RANBP10: variants seen among roughly 807,000 people sequenced by gnomAD.
The protein encoded by RANBP10 is RAN binding protein 10.
Under a neutral mutation model 72.8 loss-of-function variants are expected in RANBP10, and 24 were observed. That is an observed-to-expected ratio of 0.33 (90% confidence interval 0.24 to 0.46). The LOEUF (loss-of-function observed/expected upper bound fraction) is 0.46, where lower values mean the gene tolerates loss of function less well. Ranked by LOEUF, RANBP10 falls within the 20% of genes least tolerant of loss-of-function variation. RANBP10 has a pLI of 1.00. For synonymous variants in RANBP10, 310 were observed against 322.3 expected (o/e 0.96, Z 0.41); for missense variants, 679 against 817.5 (o/e 0.83, Z 2.07).
Position 67,781,366 on chromosome 16 carries a change from C to T in RANBP10, c.348-9280G>A, listed in dbSNP as rs183813990. 4.6e-5 allele frequency among the ~76,000 whole-genome samples: 7 copies of T among 152,298 alleles called. No homozygotes were observed. The East Asian group carries it at 1.4e-3, about 29-fold the overall frequency. ...GCTATGCTAGAAACACTCACAGATA[C>T]AACCTGCCTGGGTCAGCCTGGGAGG... On this transcript the variant is annotated intron_variant, in intron 2 of 13. Coordinates refer to ENST00000317506, the MANE Select transcript of RANBP10 (RefSeq NM_020850.3).
At chr16:67,798,299 T>C (rs959700648) in intron 2 of RANBP10, among the ~76,000 whole-genome samples, 2 of 152,090 alleles carry the variant, frequency 1.3e-5, no homozygotes, top group Non-Finnish European at 1.5e-5. Flanking sequence ...AGATGACATA[T>C]GAGCACCAAA....
intron 3 of RANBP10, among the ~76,000 whole-genome samples, chr16:67,765,969 G>C (rs1418586256): frequency 6.6e-6 from 1 of 152,178 alleles, no homozygotes. Flanking sequence ...CTGTGACTGT[G>C]CCACTGCACT....
chr16:67,738,772 T>TA (rs1053194503), intron 4 of RANBP10: 1 of 152,042 alleles, frequency 6.6e-6, no homozygotes, highest in African/African-American at 2.4e-5. Context: ...TAGTTTTAAT[T>TA]AGACCATGGC....
chr16:67,803,754 C>T (rs2055278789), intron 2 of RANBP10, among the ~76,000 whole-genome samples: 1 of 145,966 alleles, frequency 6.9e-6, no homozygotes, highest in Admixed American at 7.1e-5. Context: ...CCCAGAAGGT[C>T]GAGGCTGCAG....
rs565288354 is a variant in RANBP10 at position 67,729,549 on chromosome 16, A to G, written c.1148-65T>C. The G allele has an allele frequency of 1.9e-6, 3 of 1,571,546 alleles. No individual in the cohort carries two copies. In the South Asian group the frequency reaches 3.5e-5, roughly 19 times the overall value. ...TCCCATGAAATGAAGCCCCAAGAAC[A>G]ACCACAGTGGTCCCATTTCCCTTCT... On this transcript the variant is annotated intron_variant, in intron 9 of 13. Transcript: ENST00000317506. This position sits in a 1 kb window ranked among gnomAD's most constrained non-coding sequence, Gnocchi z 7.1.
intron 3 of RANBP10, among the ~76,000 whole-genome samples, chr16:67,757,000 T>C (rs931785537): frequency 7.9e-5 from 12 of 152,112 alleles, no homozygotes; most frequent in Admixed American, 6.5e-4. Flanking sequence ...AGGTCGGGAG[T>C]TCGAGACCAC....
At chr16:67,771,369 G>A (rs1448463907) in intron 3 of RANBP10, among the ~76,000 whole-genome samples, 1 of 150,316 alleles carries the variant, frequency 6.7e-6, no homozygotes, top group Non-Finnish European at 1.5e-5. Flanking sequence ...TTTTTGAGAC[G>A]GAATCTCACC....
intron 3 of RANBP10, among the ~76,000 whole-genome samples, chr16:67,771,027 C>A (rs1311475530): frequency 6.6e-6 from 1 of 152,114 alleles, no homozygotes; most frequent in Non-Finnish European, 1.5e-5. Context: ...CTTAGGGAGG[C>A]CAAGGCAGGC....
intron 2 of RANBP10, among the ~76,000 whole-genome samples, chr16:67,798,047 T>C (rs1456900727): frequency 6.7e-6 from 1 of 149,302 alleles, no homozygotes; most frequent in Non-Finnish European, 1.5e-5. Context: ...ACTCCAGTTC[T>C]CTTACCCCGT....
At chr16:67,744,055 C>T (rs1482386360) in intron 4 of RANBP10, 1 of 973,952 alleles carries the variant, frequency 1.0e-6, no homozygotes, top group Admixed American at 6.2e-5. Context: ...GACCAGGATA[C>T]TGCTGTACTC....
chr16:67,793,518 G>A (rs2055070641), intron 2 of RANBP10, among the ~76,000 whole-genome samples: 1 of 151,808 alleles, frequency 6.6e-6, no homozygotes, highest in African/African-American at 2.4e-5. Flanking sequence ...CACCATGTTG[G>A]TCACGCTGGT....
intron 2 of RANBP10, among the ~76,000 whole-genome samples, chr16:67,779,767 GT>G (rs1222733834): frequency 2.0e-5 from 3 of 152,184 alleles, no homozygotes; most frequent in Non-Finnish European, 4.4e-5. Context: ...GGACATAAGG[GT>G]GGGGGCCTGG....
chr16:67,734,673 G>A (rs963227927), intron 6 of RANBP10, among the ~76,000 whole-genome samples, 185 bp downstream of exon 6: 5 of 152,338 alleles, frequency 3.3e-5, no homozygotes, highest in South Asian at 2.1e-4. Flanking sequence ...CGGAGAACTC[G>A]GTGGGAGCTG....
At position 67,770,970 on chromosome 16, in the gene RANBP10, G is replaced by A. The variant is rs553087349; in HGVS notation, c.400+1064C>T. Among the ~76,000 whole-genome samples the A allele has an allele frequency of 3.3e-5, 5 of 151,762 alleles. No individual in the cohort carries two copies. In the South Asian group the frequency reaches 6.3e-4, roughly 19 times the overall value. On this transcript the variant is annotated intron_variant, in intron 3 of 13. Transcript: ENST00000317506. The stretch of plus-strand genomic sequence containing the variant: ...CTGTCTCAAAAGAAAAATAATAGAT[G>A]ATAAAAATAAGGCTGGGTGCAGTGG...
intron 2 of RANBP10, among the ~76,000 whole-genome samples, chr16:67,773,531 T>A (rs1450303484): frequency 3.9e-5 from 6 of 152,284 alleles, no homozygotes; most frequent in Admixed American, 3.3e-4. Flanking sequence ...CACCACTATA[T>A]TTGGGGGAGC....
Position 67,728,473 on chromosome 16 carries a change from T to C in RANBP10, c.1391A>G (p.Asn464Ser), listed in dbSNP as rs747846612. The C allele has an allele frequency of 2.5e-6, 4 of 1,614,104 alleles. No individual in the cohort carries two copies. Among genetic ancestry groups the C allele is most frequent in the South Asian group, 2.2e-5 (2 of 91,074 alleles). ...EMEMEAEHYP[N>S]GVLGSMSTRI... is the part of the protein sequence containing the mutation. ...TGTGGACATGCTTCCTAGCACACCG[T>C]TGGGGTAGTGCTCTGCCTCCATCTC... Residue 464 changes from asparagine to serine, a missense_variant, in exon 11 of 14, where the codon AAC becomes AGC. Coordinates refer to ENST00000317506, the MANE Select transcript of RANBP10 (RefSeq NM_020850.3).
intron 2 of RANBP10, among the ~76,000 whole-genome samples, chr16:67,792,765 G>C (rs977401908): frequency 2.3e-4 from 34 of 148,952 alleles, no homozygotes; most frequent in Admixed American, 1.4e-4. Context: ...CCTGGCAACA[G>C]AGCAAGACTC....
At chr16:67,764,513 TAAAAC>T (rs2054460373) in intron 3 of RANBP10, among the ~76,000 whole-genome samples, 1 of 151,908 alleles carries the variant, frequency 6.6e-6, no homozygotes, top group East Asian at 1.9e-4. Flanking sequence ...AAAGCATTCT[TAAAAC>T]AAATTATCAG....
At chr16:67,762,011 T>C (rs779065150) in intron 3 of RANBP10, among the ~76,000 whole-genome samples, 16 of 152,082 alleles carry the variant, frequency 1.1e-4, no homozygotes, top group Non-Finnish European at 1.8e-4. Flanking sequence ...ATCCCAACAT[T>C]TTGGGAGGCC....
Sources: gnomAD v4.1 joint callset for allele counts (sites outside exome capture counted in the v4.1 genomes callset) on GRCh38, gnomAD v4.1.1 for gene constraint, Gnocchi (gnomAD v3.1) non-coding constraint, MANE v1.5 for transcripts, NCBI Gene and HGNC (gene_info 2026-07-23, HGNC 2026-07-21) for gene names.